CRIM1: variants seen among roughly 807,000 people sequenced by gnomAD.
CRIM1 encodes cysteine rich transmembrane BMP regulator 1.
Under a neutral mutation model 116.4 loss-of-function variants are expected in CRIM1, and 32 were observed. That is an observed-to-expected ratio of 0.27 (90% CI 0.21 to 0.37). The LOEUF (loss-of-function observed/expected upper bound fraction) is 0.37. Ranked by LOEUF, CRIM1 falls within the 10% of genes least tolerant of loss-of-function variation. The probability of loss-of-function intolerance (pLI) is 1.00; values close to 1 mark genes in which losing one functional copy is unlikely to be tolerated. For missense variants in CRIM1, 1,331 were observed against 1,354.8 expected (o/e 0.98, Z 0.28); for synonymous variants, 590 against 509.2 (o/e 1.16, Z -2.13).
At chr2:36,363,953 GTTC>G (rs1441154477) in intron 1 of CRIM1, among the ~76,000 whole-genome samples, 1 of 152,156 alleles carries the variant, frequency 6.6e-6, no homozygotes, top group Admixed American at 6.5e-5. Context: ...AGCTCTACCT[GTTC>G]TTCTGCCATT....
chr2:36,466,070 T>TA (rs1436589796), intron 5 of CRIM1, among the ~76,000 whole-genome samples: 1 of 150,036 alleles, frequency 6.7e-6, no homozygotes, highest in Non-Finnish European at 1.5e-5. Flanking sequence ...GTATTTTTAG[T>TA]AGAGACAGGG....
intron 1 of CRIM1, among the ~76,000 whole-genome samples, chr2:36,360,129 G>A (rs574169478): frequency 2.6e-4 from 39 of 152,358 alleles, no homozygotes; most frequent in African/African-American, 9.4e-4. Context: ...GAGCTAAGGG[G>A]TTGAGAGCCA....
intron 4 of CRIM1, among the ~76,000 whole-genome samples, chr2:36,460,616 C>T (rs1677507918): frequency 6.6e-6 from 1 of 152,168 alleles, no homozygotes; most frequent in Admixed American, 6.5e-5. Context: ...ATAGCTCTGC[C>T]TGGGGTGGCC....
intron 2 of CRIM1, among the ~76,000 whole-genome samples, chr2:36,438,608 A>G (rs1675530411): frequency 6.6e-6 from 1 of 152,180 alleles, no homozygotes; most frequent in African/African-American, 2.4e-5. Flanking sequence ...TGTTTGACCC[A>G]AGCACATGTG....
At chr2:36,539,415 C>G (rs1346897611) in intron 14 of CRIM1, among the ~76,000 whole-genome samples, 1 of 152,106 alleles carries the variant, frequency 6.6e-6, no homozygotes, top group Non-Finnish European at 1.5e-5. Flanking sequence ...GGCAGAGAGG[C>G]AGCCACGGCC....
At position 36,522,158 on chromosome 2, in the gene CRIM1, G is replaced by A. The variant is rs780941647; in HGVS notation, c.2273G>A (p.Gly758Glu). The part of the protein sequence containing the change: ...SVPNYCKNDE[G>E]DIFLAAESWK... Reference sequence around the variant, plus strand: ...CCTAATTACTGCAAAAATGATGAAGGGGATATATTCCTGGCAGCTGAGTCC... The same window carrying A: ...CCTAATTACTGCAAAAATGATGAAGAGGATATATTCCTGGCAGCTGAGTCC... The change falls in exon 13 of 17, where the codon GGG (glycine) becomes GAG (glutamate). Residue 758 changes from glycine to glutamate, a missense_variant. Gly to Glu is a moderately conservative substitution (Grantham distance 98). Coordinates refer to ENST00000280527, the MANE Select transcript of CRIM1 (RefSeq NM_016441.3). 15 of 1,614,030 alleles carry A rather than the reference G, an allele frequency of 9.3e-6. No homozygotes were observed. Among genetic ancestry groups the A allele is most frequent in the Non-Finnish European group, 1.3e-5 (15 of 1,180,030 alleles).
At chr2:36,500,430 G>C (rs970671775) in intron 8 of CRIM1, among the ~76,000 whole-genome samples, 9 of 152,166 alleles carry the variant, frequency 5.9e-5, no homozygotes, top group Non-Finnish European at 1.2e-4. Flanking sequence ...GGCTGATATT[G>C]AGGTTATAAG....
intron 2 of CRIM1, among the ~76,000 whole-genome samples, chr2:36,412,732 A>G (rs934062028): frequency 1.7e-4 from 26 of 152,290 alleles, no homozygotes; most frequent in Admixed American, 1.4e-3. Context: ...AAATTTATAT[A>G]TCTTTGATAT....
intron 2 of CRIM1, among the ~76,000 whole-genome samples, chr2:36,406,582 G>GAT (rs1264075959): frequency 3.3e-4 from 49 of 150,092 alleles, no homozygotes; most frequent in African/African-American, 1.2e-3. Context: ...TTTTAAACTT[G>GAT]ATAAGTCTTA....
chr2:36,415,592 AC>A (rs775506314), intron 2 of CRIM1, among the ~76,000 whole-genome samples: 2 of 152,128 alleles, frequency 1.3e-5, no homozygotes, highest in Non-Finnish European at 2.9e-5. Context: ...GTTTTTCACT[AC>A]ATGCATCTAC....
chr2:36,528,359 T>A (rs563993749), intron 13 of CRIM1, among the ~76,000 whole-genome samples: 2 of 152,358 alleles, frequency 1.3e-5, no homozygotes, highest in East Asian at 3.9e-4. Flanking sequence ...GGTCACTCCA[T>A]CGTAACCCAG....
intron 8 of CRIM1, among the ~76,000 whole-genome samples, chr2:36,504,574 A>T (rs1401649084): frequency 6.6e-6 from 1 of 152,258 alleles, no homozygotes; most frequent in African/African-American, 2.4e-5. Flanking sequence ...ACTCCAGGAC[A>T]TACAGAAAGT....
chr2:36,512,709 G>A (rs1182214211), intron 10 of CRIM1, among the ~76,000 whole-genome samples: 1 of 152,190 alleles, frequency 6.6e-6, no homozygotes, highest in African/African-American at 2.4e-5. Flanking sequence ...GCTTCTCTCT[G>A]TTCAGGAGTA....
At chr2:36,421,649 A>G (rs1572694471) in intron 2 of CRIM1, among the ~76,000 whole-genome samples, 1 of 152,336 alleles carries the variant, frequency 6.6e-6, no homozygotes, top group South Asian at 2.1e-4. Context: ...TGAGATTCTT[A>G]GGTGGGGACT....
At chr2:36,448,744 C>T (rs940713249) in intron 4 of CRIM1, among the ~76,000 whole-genome samples, 1 of 151,970 alleles carries the variant, frequency 6.6e-6, no homozygotes, top group Non-Finnish European at 1.5e-5. Flanking sequence ...ATAAATATGC[C>T]GTTCTTAAAA....
At chr2:36,396,924 C>T in intron 2 of CRIM1, 137 bp downstream of exon 2, 1 of 712,388 alleles carries the variant, frequency 1.4e-6, no homozygotes, top group Non-Finnish European at 2.2e-6. Flanking sequence ...AACTAAGATG[C>T]ATAAAGTTTA....
At chr2:36,525,836 G>A (rs995579311) in intron 13 of CRIM1, among the ~76,000 whole-genome samples, 3 of 152,132 alleles carry the variant, frequency 2.0e-5, no homozygotes, top group Non-Finnish European at 4.4e-5. Flanking sequence ...AAGTATGCAT[G>A]TGAAGTATCC....
intron 1 of CRIM1, among the ~76,000 whole-genome samples, chr2:36,375,456 T>A: frequency 6.6e-6 from 1 of 152,208 alleles, no homozygotes; most frequent in East Asian, 1.9e-4. Context: ...GCAAATTGCA[T>A]AAACGGTATA....
intron 5 of CRIM1, among the ~76,000 whole-genome samples, chr2:36,472,333 C>T (rs1035184117): frequency 6.6e-6 from 1 of 152,152 alleles, no homozygotes; most frequent in Non-Finnish European, 1.5e-5. Context: ...GCCTTTTTAT[C>T]ATATACTTTT....
Sources: gnomAD v4.1 joint callset for allele counts (sites outside exome capture counted in the v4.1 genomes callset) on GRCh38, gnomAD v4.1.1 for gene constraint, MANE v1.5 for transcripts, NCBI Gene and HGNC (gene_info 2026-07-23, HGNC 2026-07-21) for gene names.